Variants in CXCR5 observed in about 807,000 individuals in gnomAD.
CXCR5 encodes C-X-C chemokine receptor type 5.
In CXCR5, 3 loss-of-function variants were observed where a neutral mutation model predicts 5.6. The ratio of observed to expected loss-of-function variants is 0.54; its 90% CI spans 0.24 to 1.39. The LOEUF (loss-of-function observed/expected upper bound fraction) is 1.39, where lower values mean the gene tolerates loss of function less well. CXCR5 is among the 40% of genes most tolerant of loss of function. The pLI is 0.16. For synonymous variants in CXCR5, 218 were observed against 219.9 expected (o/e 0.99, Z 0.08); for missense variants, 333 against 494.6 (o/e 0.67, Z 3.10).
rs1939971781 is a variant in CXCR5 at position 118,897,714 on chromosome 11, A to G, written c.*3051A>G. 8.9e-6 allele frequency: 4 copies of G among 447,556 alleles called. No homozygotes were observed. The highest frequency in any genetic ancestry group is 1.8e-5 in the Non-Finnish European group (4 of 224,396). The allele number at this position is 447,556 out of a possible 1,614,324, so 27.7% of individuals were successfully genotyped here. Reference sequence around the variant, plus strand: ...CATGTCCCTGGGTCCAGGGGAATGGAGGGAGCAATAACTTGAAGAAGGGGG... The same window carrying G: ...CATGTCCCTGGGTCCAGGGGAATGGGGGGAGCAATAACTTGAAGAAGGGGG... On this transcript the variant is annotated 3_prime_UTR_variant, in exon 2 of 2. Transcript: ENST00000292174.
rs1258435372 is a variant in CXCR5 at position 118,893,607 on chromosome 11, G to A, written c.63G>A (p.Leu21=). The change falls in exon 2 of 2, where the codon CTG becomes CTA. Residue 21 remains leucine, a synonymous_variant. Coordinates refer to ENST00000292174, the MANE Select transcript of CXCR5 (RefSeq NM_001716.5). This position sits in a 1 kb window ranked among gnomAD's most constrained non-coding sequence, Gnocchi z 5.7. ...LENLEDLFWE[L]DRLDNYNDTS... ...CCTTGCCCTTGCAGTTCTGGGAACT[G>A]GACAGATTGGACAACTATAACGACA... is the stretch of plus-strand genomic sequence containing the variant. 1.9e-6 allele frequency: 3 copies of A among 1,592,950 alleles called. No homozygotes were observed. Among genetic ancestry groups the A allele is most frequent in the Non-Finnish European group, 2.6e-6 (3 of 1,166,184 alleles).
At chr11:118,891,695 C>A (rs1397158653) in intron 1 of CXCR5, among the ~76,000 whole-genome samples, 1 of 151,820 alleles carries the variant, frequency 6.6e-6, no homozygotes, top group Non-Finnish European at 1.5e-5. Context: ...ATGGTGAAAC[C>A]TTGTCTCTAC....
chr11:118,891,847 G>C (rs1469374179), intron 1 of CXCR5, among the ~76,000 whole-genome samples: 3 of 143,178 alleles, frequency 2.1e-5, no homozygotes, highest in Non-Finnish European at 4.5e-5. Flanking sequence ...CTCCAGCCTG[G>C]GCAACAAGAG....
At chr11:118,887,549 G>C in intron 1 of CXCR5, 2 of 541,508 alleles carry the variant, frequency 3.7e-6, no homozygotes, top group Non-Finnish European at 4.7e-6. Context: ...AGAGATGAAA[G>C]AGGAGTCTCA....
intron 1 of CXCR5, among the ~76,000 whole-genome samples, chr11:118,884,226 A>G (rs565572166): frequency 6.6e-6 from 1 of 152,328 alleles, no homozygotes; most frequent in East Asian, 1.9e-4. Flanking sequence ...AAGCTGGAAG[A>G]CACGGGTTCA....
intron 1 of CXCR5, among the ~76,000 whole-genome samples, chr11:118,889,808 G>A (rs1033247530): frequency 3.3e-5 from 5 of 152,194 alleles, no homozygotes; most frequent in Non-Finnish European, 7.3e-5. Context: ...CTGGTTCTCA[G>A]GAGATGGGAG....
rs1939924621 is a variant in CXCR5, at chr11:118,896,466, G to A, written c.*1803G>A. On this transcript the variant is annotated 3_prime_UTR_variant, in exon 2 of 2. Transcript: ENST00000292174. The stretch of plus-strand genomic sequence containing the variant: ...ACACAGAGTCAGACAGTTTGGGGGG[G>A]TCTTGGGCCAGGGGTGGAGGGCTCA... 2 of 152,672 alleles carry A rather than the reference G, an allele frequency of 1.3e-5. No individual in the cohort carries two copies. Among genetic ancestry groups the A allele is most frequent in the South Asian group, 2.1e-4 (1 of 4,834 alleles). 9.5% of individuals were successfully genotyped at this position (152,672 alleles called of 1,614,324 possible).
intron 1 of CXCR5, among the ~76,000 whole-genome samples, chr11:118,885,560 T>A (rs774268415): frequency 6.6e-6 from 1 of 152,210 alleles, no homozygotes; most frequent in Non-Finnish European, 1.5e-5. Context: ...CTCGCCTGAT[T>A]AGGTTACTGG....
At chr11:118,885,693 T>C (rs1939700406) in intron 1 of CXCR5, 1 of 152,692 alleles carries the variant, frequency 6.5e-6, no homozygotes, top group Non-Finnish European at 1.5e-5. Flanking sequence ...TTCCCCTAAC[T>C]GCACGCCTCA....
rs1392162877 is a variant in CXCR5 at position 118,894,026 on chromosome 11, G to T, written c.482G>T (p.Arg161Leu). ...CACGCCGTCCATGCCTACCGCCACCGCCGCCTCCTCTCCATCCACATCACC... is the reference window on the plus strand; with the variant it reads ...CACGCCGTCCATGCCTACCGCCACCTCCGCCTCCTCTCCATCCACATCACC... The part of the protein sequence containing the change: ...IVHAVHAYRH[R>L]RLLSIHITCG... The change falls in exon 2 of 2, where the codon CGC becomes CTC. Residue 161 changes from arginine to leucine, a missense_variant. Coordinates refer to ENST00000292174, the MANE Select transcript of CXCR5 (RefSeq NM_001716.5). This position sits in a 1 kb window ranked among gnomAD's most constrained non-coding sequence, Gnocchi z 6.1. 1 of 1,613,662 alleles carries T rather than the reference G, an allele frequency of 6.2e-7. No individual in the cohort carries two copies. The highest frequency in any genetic ancestry group is 8.5e-7 in the Non-Finnish European group (1 of 1,179,984).
At chr11:118,886,592 A>G (rs1460050318) in intron 1 of CXCR5, 6 of 355,100 alleles carry the variant, frequency 1.7e-5, no homozygotes, top group South Asian at 1.3e-4. Context: ...TGGGTATGCC[A>G]GGGACCCATC....
intron 1 of CXCR5, among the ~76,000 whole-genome samples, chr11:118,888,574 C>T (rs1188055880): frequency 6.6e-6 from 1 of 152,222 alleles, no homozygotes; most frequent in Non-Finnish European, 1.5e-5. Context: ...ATGAAGGTAA[C>T]AGTGGCCCTT....
intron 1 of CXCR5, among the ~76,000 whole-genome samples, chr11:118,892,777 C>T (rs1311515919): frequency 6.6e-6 from 1 of 152,102 alleles, no homozygotes; most frequent in African/African-American, 2.4e-5. Context: ...TCTCTCCTGC[C>T]AGTCTCCCCG....
At chr11:118,887,286 T>C (rs1032326714) in intron 1 of CXCR5, 2 of 985,378 alleles carry the variant, frequency 2.0e-6, no homozygotes, top group Non-Finnish European at 2.4e-6. Context: ...TGAGCATTCT[T>C]TCAAGAGTGG....
At position 118,894,395 on chromosome 11, in the gene CXCR5, T is replaced by C; in HGVS notation, c.851T>C (p.Leu284Pro). The C allele has an allele frequency of 6.2e-7, 1 of 1,614,218 alleles. No homozygotes were observed. Among genetic ancestry groups the C allele is most frequent in the Non-Finnish European group, 8.5e-7 (1 of 1,180,038 alleles). The stretch of plus-strand genomic sequence containing the variant: ...CACATCGTCATCTTCCTGGACACCC[T>C]GGCGAGGCTGAAGGCCGTGGACAAT... ...PYHIVIFLDT[L>P]ARLKAVDNTC... The change falls in exon 2 of 2, where the codon CTG becomes CCG. Residue 284 changes from leucine to proline, a missense_variant. Transcript: ENST00000292174. This position sits in a 1 kb window ranked among gnomAD's most constrained non-coding sequence, Gnocchi z 6.1.
At chr11:118,884,094 C>A in intron 1 of CXCR5, 102 bp downstream of exon 1, 1 of 1,167,344 alleles carries the variant, frequency 8.6e-7, no homozygotes, top group Non-Finnish European at 1.3e-6. Flanking sequence ...GAATCCTCTC[C>A]CACTGTGGAT....
At chr11:118,884,197 A>G (rs1939673586) in intron 1 of CXCR5, among the ~76,000 whole-genome samples, 1 of 152,168 alleles carries the variant, frequency 6.6e-6, no homozygotes, top group South Asian at 2.1e-4. Context: ...TGCTGTCCTT[A>G]GGAGACATCC....
chr11:118,885,285 C>T (rs1939693716), intron 1 of CXCR5, among the ~76,000 whole-genome samples: 1 of 152,208 alleles, frequency 6.6e-6, no homozygotes, highest in African/African-American at 2.4e-5. Flanking sequence ...GGACCTGCTA[C>T]ATAATTTGTG....
chr11:118,891,102 T>C (rs1939801333), intron 1 of CXCR5, among the ~76,000 whole-genome samples: 1 of 152,106 alleles, frequency 6.6e-6, no homozygotes, highest in African/African-American at 2.4e-5. Context: ...AGGCGTGTGT[T>C]TGGGGGAGAA....
Sources: gnomAD v4.1 joint callset for allele counts (sites outside exome capture counted in the v4.1 genomes callset) on GRCh38, gnomAD v4.1.1 for gene constraint, Gnocchi (gnomAD v3.1) non-coding constraint, MANE v1.5 for transcripts, NCBI Gene and HGNC (gene_info 2026-07-23, HGNC 2026-07-21) for gene names.